ADGB: variants seen among roughly 807,000 people sequenced by gnomAD.
ADGB encodes androglobin, also known as calpain-7-like protein.
Under a neutral mutation model 210.5 loss-of-function variants are expected in ADGB, and 172 were observed. The observed-to-expected ratio is 0.82, with a 90% CI of 0.72 to 0.93. The LOEUF (loss-of-function observed/expected upper bound fraction) is 0.93, where lower values mean the gene tolerates loss of function less well. Among genes scored for constraint, ADGB ranks in the 40% least tolerant of loss-of-function variants. The probability of loss-of-function intolerance (pLI) is 0.00; values close to 1 mark genes in which losing one functional copy is unlikely to be tolerated. For synonymous variants in ADGB, 658 were observed against 662.7 expected (o/e 0.99, Z 0.11); for missense variants, 2,025 against 1,964.8 (o/e 1.03, Z -0.58).
At chr6:146,726,874 T>C (rs1354415000) in intron 19 of ADGB, among the ~76,000 whole-genome samples, 43 of 152,172 alleles carry the variant, frequency 2.8e-4, no homozygotes, top group Admixed American at 2.8e-3. Context: ...CTTTCATTTC[T>C]TCCTTTGCCT....
At position 146,644,787 on chromosome 6, in the gene ADGB, C is replaced by A. The variant is rs1353127963; in HGVS notation, c.252C>A (p.Asp84Glu). 10 of 1,467,898 alleles carry A rather than the reference C, an allele frequency of 6.8e-6. No homozygotes were observed. The highest frequency in any genetic ancestry group is 6.0e-5 in the South Asian group (4 of 67,010). 90.9% of individuals were successfully genotyped at this position (1,467,898 alleles called of 1,614,324 possible). Reference sequence around the variant, plus strand: ...TTTTTATATAGCATTTTTTTGAGGACCCTGAAGGAAAGATTGAGTTACCAC... The same window carrying A: ...TTTTTATATAGCATTTTTTTGAGGAACCTGAAGGAAAGATTGAGTTACCAC... ...GKSPVFHFFE[D>E]PEGKIELPPS... Residue 84 changes from aspartate (D) to glutamate (E), a missense_variant, in exon 3 of 36, where the codon GAC becomes GAA. Physicochemically the swap from Asp to Glu is conservative, Grantham distance 45. Transcript: ENST00000397944.
chr6:146,764,479 A>G (rs1777545316), intron 28 of ADGB, among the ~76,000 whole-genome samples: 1 of 152,144 alleles, frequency 6.6e-6, no homozygotes, highest in African/African-American at 2.4e-5. Context: ...CTTACAATTA[A>G]AGGGAAAAAA....
intron 13 of ADGB, among the ~76,000 whole-genome samples, chr6:146,711,455 G>C (rs1284951111): frequency 6.6e-6 from 1 of 150,904 alleles, no homozygotes; most frequent in Non-Finnish European, 1.5e-5. Context: ...ACTTCCTTTT[G>C]TCTCTCTCCT....
At chr6:146,621,428 G>A (rs563703262) in intron 1 of ADGB, among the ~76,000 whole-genome samples, 18 of 152,154 alleles carry the variant, frequency 1.2e-4, no homozygotes, top group African/African-American at 3.1e-4. Flanking sequence ...AAGGAGTCAG[G>A]GTGGGCTTCC....
intron 28 of ADGB, among the ~76,000 whole-genome samples, chr6:146,768,049 G>A (rs934653998): frequency 6.6e-6 from 1 of 151,950 alleles, no homozygotes; most frequent in African/African-American, 2.4e-5. Context: ...ACATAGAAAA[G>A]CTTAACACTT....
chr6:146,717,048 A>G lies in ADGB; in HGVS notation c.1907A>G (p.Glu636Gly), dbSNP rs1372761095. 1 of 1,551,496 alleles carries G rather than the reference A, an allele frequency of 6.4e-7. No individual in the cohort carries two copies. Among genetic ancestry groups the G allele is most frequent in the Admixed American group, 2.0e-5 (1 of 50,996 alleles). The part of the protein sequence containing the change: ...SVSKEIWLDF[E>G]DFCVCFQNIY... ...TCTAAAGAAATATGGTTAGATTTTG[A>G]AGATTTCTGTGTATGCTTTCAGTAA... is the stretch of plus-strand genomic sequence containing the variant. The change falls in exon 15 of 36, where the codon GAA (glutamate) becomes GGA (glycine). Residue 636 changes from glutamate to glycine, a missense_variant. Physicochemically the swap from Glu to Gly is moderately conservative, Grantham distance 98. Coordinates refer to ENST00000397944, the MANE Select transcript of ADGB (RefSeq NM_024694.4).
intron 33 of ADGB, among the ~76,000 whole-genome samples, chr6:146,791,160 G>A (rs1488464831): frequency 1.3e-5 from 2 of 152,008 alleles, no homozygotes; most frequent in Non-Finnish European, 2.9e-5. Context: ...ACTTTTCATT[G>A]TTTCATTTGC....
At chr6:146,694,622 C>T (rs1583593649) in intron 12 of ADGB, among the ~76,000 whole-genome samples, 1 of 152,172 alleles carries the variant, frequency 6.6e-6, no homozygotes, top group East Asian at 1.9e-4. Flanking sequence ...CAGTTCTTCC[C>T]CTAAAATGAA....
chr6:146,780,246 A>T (rs1777779517), intron 29 of ADGB, among the ~76,000 whole-genome samples: 1 of 152,166 alleles, frequency 6.6e-6, no homozygotes, highest in South Asian at 2.1e-4. Context: ...ACAAACAAAT[A>T]AAAAACAAGG....
At chr6:146,788,665 G>C (rs561820925) in intron 33 of ADGB, 55 bp downstream of exon 33, 1 of 1,485,298 alleles carries the variant, frequency 6.7e-7, no homozygotes, top group African/African-American at 1.4e-5. Context: ...AAAAATTATG[G>C]AAAAGATTTT....
chr6:146,798,729 T>G (rs1028619833), intron 33 of ADGB, among the ~76,000 whole-genome samples: 1 of 150,266 alleles, frequency 6.7e-6, no homozygotes, highest in Non-Finnish European at 1.5e-5. Flanking sequence ...TGATGTAAGA[T>G]TAGTAAACAA....
chr6:146,809,335 T>G (rs1472225964), intron 35 of ADGB, among the ~76,000 whole-genome samples: 4 of 152,326 alleles, frequency 2.6e-5, no homozygotes, highest in African/African-American at 9.6e-5. Context: ...GACTCCTGAA[T>G]AGCTGGGATT....
At chr6:146,772,615 A>G (rs1777666884) in intron 29 of ADGB, among the ~76,000 whole-genome samples, 1 of 147,342 alleles carries the variant, frequency 6.8e-6, no homozygotes, top group African/African-American at 2.5e-5. Flanking sequence ...TATAATATAT[A>G]TTATATATTA....
At chr6:146,663,396 A>C (rs954129789) in intron 5 of ADGB, among the ~76,000 whole-genome samples, 7 of 151,672 alleles carry the variant, frequency 4.6e-5, no homozygotes, top group African/African-American at 7.3e-5. Flanking sequence ...TCCCTGGTTC[A>C]TAAATGGCTG....
chr6:146,728,491 C>A, intron 19 of ADGB, 83 bp from the exon 20 acceptor site: 1 of 1,303,360 alleles, frequency 7.7e-7, no homozygotes, highest in South Asian at 1.6e-5. Context: ...GCAGAGATTT[C>A]ATATTTTAAC....
At chr6:146,745,315 A>C (rs1777212763) in intron 25 of ADGB, among the ~76,000 whole-genome samples, 2 of 152,154 alleles carry the variant, frequency 1.3e-5, no homozygotes, top group South Asian at 4.1e-4. Flanking sequence ...CTGACTTTTT[A>C]GTCAGCTATC....
chr6:146,618,301 T>C (rs747654535), intron 1 of ADGB, among the ~76,000 whole-genome samples: 2 of 151,714 alleles, frequency 1.3e-5, no homozygotes, highest in Non-Finnish European at 2.9e-5. Flanking sequence ...AGTTTCTCTA[T>C]TTGTTTTATC....
At chr6:146,701,486 G>A (rs532347215) in intron 13 of ADGB, among the ~76,000 whole-genome samples, 1 of 151,988 alleles carries the variant, frequency 6.6e-6, no homozygotes, top group South Asian at 2.1e-4. Flanking sequence ...TGTATTAGTT[G>A]CTTCTTGTTT....
At chr6:146,737,225 G>C (rs1777092575) in intron 23 of ADGB, among the ~76,000 whole-genome samples, 1 of 151,828 alleles carries the variant, frequency 6.6e-6, no homozygotes, top group Non-Finnish European at 1.5e-5. Flanking sequence ...TAGATGAAAA[G>C]TTTGAGAATT....
Sources: allele counts gnomAD v4.1 joint callset (sites outside exome capture counted in the v4.1 genomes callset), GRCh38; gene constraint gnomAD v4.1.1; transcripts MANE v1.5; gene names NCBI Gene and HGNC (gene_info 2026-07-23, HGNC 2026-07-21).